APTX: variants seen among roughly 807,000 people sequenced by gnomAD.
APTX encodes the protein aprataxin, also known as forkhead-associated domain histidine triad-like protein.
APTX carries 33 observed loss-of-function variants against 42.3 expected under a neutral mutation model. The observed-to-expected ratio is 0.78, with a 90% CI of 0.59 to 1.04. The LOEUF (loss-of-function observed/expected upper bound fraction) is 1.04, where lower values mean the gene tolerates loss of function less well. Ranked by LOEUF, APTX falls within the 50% of genes least tolerant of loss-of-function variation. The pLI is 0.00. For synonymous variants in APTX, 130 were observed against 146.7 expected (o/e 0.89, Z 0.82); for missense variants, 421 against 415.1 (o/e 1.01, Z -0.12).
At chr9:33,017,863 G>A (rs1342755161) in intron 1 of APTX, among the ~76,000 whole-genome samples, 1 of 151,840 alleles carries the variant, frequency 6.6e-6, no homozygotes, top group African/African-American at 2.4e-5. Context: ...CCTCCCTGGA[G>A]GTCATAGTGT....
intron 1 of APTX, among the ~76,000 whole-genome samples, chr9:33,022,020 A>T (rs562827121): frequency 6.6e-6 from 1 of 151,898 alleles, no homozygotes; most frequent in South Asian, 2.1e-4. Flanking sequence ...TAAACCTGGG[A>T]CAACAGATTT....
intron 2 of APTX, 144 bp downstream of exon 2, chr9:32,989,614 TG>T: frequency 8.3e-7 from 1 of 1,211,350 alleles, no homozygotes; most frequent in Non-Finnish European, 1.2e-6. Flanking sequence ...AATAGGGCCC[TG>T]GTGTTGGCTA....
At chr9:32,998,159 T>G (rs1281635521) in intron 1 of APTX, among the ~76,000 whole-genome samples, 3 of 152,180 alleles carry the variant, frequency 2.0e-5, no homozygotes, top group Admixed American at 6.5e-5. Flanking sequence ...TCTGTGGGAC[T>G]TGCAGGCAGA....
At chr9:33,022,351 A>G (rs1340599055) in intron 1 of APTX, among the ~76,000 whole-genome samples, 1 of 152,258 alleles carries the variant, frequency 6.6e-6, no homozygotes, top group African/African-American at 2.4e-5. Context: ...ACTCGAAACA[A>G]TAAGATATCA....
chr9:33,002,704 T>C (rs1836764138), upstream of APTX, among the ~76,000 whole-genome samples: 1 of 152,220 alleles, frequency 6.6e-6, no homozygotes, highest in Admixed American at 6.5e-5. Flanking sequence ...TCTATATACC[T>C]ATCATGAAGT....
chr9:33,018,570 G>GGA (rs1251616920), intron 1 of APTX, among the ~76,000 whole-genome samples: 1 of 114,808 alleles, frequency 8.7e-6, no homozygotes, highest in African/African-American at 3.4e-5. Flanking sequence ...CTTCGTCTCA[G>GGA]AAAAAAAAAA....
upstream of APTX, among the ~76,000 whole-genome samples, chr9:33,004,909 G>A (rs546326002): frequency 5.9e-4 from 90 of 151,974 alleles, no homozygotes; most frequent in Non-Finnish European, 1.1e-3. Flanking sequence ...CAAAGTGCTG[G>A]GATTACAGGT....
chr9:33,015,798 C>T (rs1345671033), intron 1 of APTX: 5 of 152,104 alleles, frequency 3.3e-5, no homozygotes, highest in Non-Finnish European at 2.9e-5. Context: ...GCTTATAGGA[C>T]ACACTGAAGT....
chr9:33,017,474 G>C (rs1213891423), intron 1 of APTX, among the ~76,000 whole-genome samples: 1 of 138,094 alleles, frequency 7.2e-6, no homozygotes, highest in East Asian at 1.9e-4. Flanking sequence ...AAGCTCTCCT[G>C]GGTTTCTTTT....
intron 1 of APTX, chr9:33,001,194 G>T: frequency 1.1e-6 from 1 of 872,728 alleles, no homozygotes. Context: ...TGAGGATGCT[G>T]CTAAGGTCCC....
chr9:32,984,314 G>C (rs1831375911), intron 6 of APTX, among the ~76,000 whole-genome samples: 1 of 152,182 alleles, frequency 6.6e-6, no homozygotes, highest in South Asian at 2.1e-4. Context: ...TGAAGAATCT[G>C]ATAAAAGCCA....
chr9:33,010,920 T>C (rs953489514), intron 1 of APTX, among the ~76,000 whole-genome samples: 3 of 151,776 alleles, frequency 2.0e-5, no homozygotes, highest in Admixed American at 6.6e-5. Context: ...GGCAGGTGGA[T>C]TGCCTGAGCT....
intron 1 of APTX, among the ~76,000 whole-genome samples, chr9:32,991,873 G>T (rs771243611): frequency 1.3e-5 from 2 of 152,058 alleles, no homozygotes; most frequent in African/African-American, 4.8e-5. Context: ...ACATAATTTG[G>T]GGATAAAAAG....
intron 1 of APTX, among the ~76,000 whole-genome samples, chr9:32,999,939 G>A (rs568973245): frequency 6.6e-6 from 1 of 150,974 alleles, no homozygotes; most frequent in East Asian, 1.9e-4. Context: ...CAGCCTGGGC[G>A]ACAGAGACTC....
chr9:32,974,854 G>C (rs1172469726), intron 6 of APTX, among the ~76,000 whole-genome samples: 1 of 151,714 alleles, frequency 6.6e-6, no homozygotes, highest in Non-Finnish European at 1.5e-5. Context: ...CGCTAATGAG[G>C]AAAGACAAAT....
intron 1 of APTX, chr9:33,016,051 G>A (rs1029036148): frequency 5.9e-5 from 9 of 152,256 alleles, no homozygotes; most frequent in East Asian, 3.9e-4. Context: ...TTAAATAAAC[G>A]TTGCCAAATG....
intron 1 of APTX, among the ~76,000 whole-genome samples, chr9:33,022,667 TA>T (rs1838478706): frequency 6.6e-6 from 1 of 152,178 alleles, no homozygotes; most frequent in Non-Finnish European, 1.5e-5. Flanking sequence ...CCATTAAAAA[TA>T]ACAAGGCAGA....
At chr9:32,988,346 C>T (rs890777738) in intron 2 of APTX, among the ~76,000 whole-genome samples, 1 of 152,256 alleles carries the variant, frequency 6.6e-6, no homozygotes, top group African/African-American at 2.4e-5. Context: ...TGTCCAACAG[C>T]GTACATACTC....
At chr9:33,024,060 G>A (rs1838634001) in intron 1 of APTX, among the ~76,000 whole-genome samples, 1 of 152,194 alleles carries the variant, frequency 6.6e-6, no homozygotes, top group African/African-American at 2.4e-5. Context: ...GATCTATCAG[G>A]TTAATATAGG....
Sources: gnomAD v4.1 joint callset for allele counts (sites outside exome capture counted in the v4.1 genomes callset) on GRCh38, gnomAD v4.1.1 for gene constraint, MANE v1.5 for transcripts, NCBI Gene and HGNC (gene_info 2026-07-23, HGNC 2026-07-21) for gene names.